Variants in P2RY14 observed in about 807,000 individuals in gnomAD.
P2RY14 encodes the protein P2Y purinoceptor 14.
In P2RY14, 2 loss-of-function variants were observed where a neutral mutation model predicts 0.9. The observed-to-expected ratio is 2.16, with a 90% CI of 0.88 to 6.79. The LOEUF (loss-of-function observed/expected upper bound fraction) is 6.79. Ranked by LOEUF, P2RY14 falls within the 30% of genes most tolerant of loss-of-function variation. The pLI is 0.05. For missense variants in P2RY14, 378 were observed against 400.1 expected (o/e 0.94, Z 0.47); for synonymous variants, 158 against 147.2 (o/e 1.07, Z -0.53).
intron 1 of P2RY14, among the ~76,000 whole-genome samples, chr3:151,223,805 G>C (rs563920325): frequency 6.6e-6 from 1 of 152,232 alleles, no homozygotes; most frequent in East Asian, 1.9e-4. Context: ...ATATACCCAA[G>C]TAACAAACTT....
At chr3:151,242,982 G>A (rs1327129572) in intron 1 of P2RY14, among the ~76,000 whole-genome samples, 1 of 151,762 alleles carries the variant, frequency 6.6e-6, no homozygotes, top group Admixed American at 6.6e-5. Context: ...GAAGCCTCAG[G>A]AGCCCATGCG....
At chr3:151,215,831 A>G (rs970592546) in intron 2 of P2RY14, among the ~76,000 whole-genome samples, 2 of 152,134 alleles carry the variant, frequency 1.3e-5, no homozygotes, top group Non-Finnish European at 2.9e-5. Flanking sequence ...CCCAGCACTG[A>G]GTTCCTGCTG....
intron 1 of P2RY14, chr3:151,269,974 C>G: frequency 6.2e-6 from 2 of 323,828 alleles, no homozygotes; most frequent in South Asian, 2.7e-5. Flanking sequence ...CATTACAGTA[C>G]TACTTGGTTT....
At chr3:151,246,595 T>C (rs1473196133) in intron 1 of P2RY14, among the ~76,000 whole-genome samples, 16 of 151,936 alleles carry the variant, frequency 1.1e-4, no homozygotes, top group African/African-American at 2.4e-4. Context: ...TGGATCCCTT[T>C]CTTACACCTT....
At chr3:151,261,191 A>G (rs1577159652) in intron 1 of P2RY14, among the ~76,000 whole-genome samples, 1 of 152,182 alleles carries the variant, frequency 6.6e-6, no homozygotes, top group Non-Finnish European at 1.5e-5. Context: ...GGAAATGCCC[A>G]TGAATGAGAC....
intron 1 of P2RY14, among the ~76,000 whole-genome samples, chr3:151,234,752 A>G (rs1732385086): frequency 2.0e-5 from 3 of 152,176 alleles, no homozygotes; most frequent in African/African-American, 7.2e-5. Flanking sequence ...CCTCTCTTCT[A>G]GTAAATGGCT....
chr3:151,236,536 C>G (rs1202741715), intron 1 of P2RY14, among the ~76,000 whole-genome samples: 1 of 152,196 alleles, frequency 6.6e-6, no homozygotes, highest in Non-Finnish European at 1.5e-5. Context: ...AGCAGCTGCT[C>G]TTGTCTAAAT....
intron 1 of P2RY14, among the ~76,000 whole-genome samples, chr3:151,252,803 T>C (rs34997694): frequency 0.28 from 42,832 of 151,964 alleles, 6,360 homozygotes; most frequent in Non-Finnish European, 0.33. Context: ...TTCTAGAACT[T>C]ATCTAGAAAA....
At chr3:151,270,449 A>G (rs1740729359) in intron 1 of P2RY14, among the ~76,000 whole-genome samples, 1 of 152,148 alleles carries the variant, frequency 6.6e-6, no homozygotes, top group Admixed American at 6.5e-5. Context: ...GGAAAAAAGA[A>G]AAACCTCCCT....
chr3:151,247,698 A>G (rs907738899), intron 1 of P2RY14, among the ~76,000 whole-genome samples: 1 of 149,130 alleles, frequency 6.7e-6, no homozygotes, highest in African/African-American at 2.5e-5. Context: ...CCAGCATGGC[A>G]CATGTATACA....
chr3:151,238,426 C>T (rs560687921), intron 1 of P2RY14, among the ~76,000 whole-genome samples: 8 of 152,254 alleles, frequency 5.3e-5, no homozygotes, highest in Admixed American at 1.3e-4. Flanking sequence ...GGATTACAGG[C>T]GTGAGCCACC....
intron 1 of P2RY14, among the ~76,000 whole-genome samples, chr3:151,262,353 C>T (rs1223433525): frequency 6.6e-6 from 1 of 152,180 alleles, no homozygotes; most frequent in East Asian, 1.9e-4. Flanking sequence ...TGGTTTGCCC[C>T]CAACTTTTTG....
rs886925584 is a variant in P2RY14, at chr3:151,212,378, G to A, written c.*922C>T. Reference sequence around the variant, plus strand: ...TATGTGTTATTTTGCACTCATTAATGTAAATTTTAGATTTAAAAAAATCAA... The same window carrying A: ...TATGTGTTATTTTGCACTCATTAATATAAATTTTAGATTTAAAAAAATCAA... On this transcript the variant is annotated 3_prime_UTR_variant, in exon 3 of 3. Transcript: ENST00000309170. 6.6e-6 allele frequency: 1 copy of A among 152,120 alleles called. No homozygotes were observed. The highest frequency in any genetic ancestry group is 1.5e-5 in the Non-Finnish European group (1 of 68,000). 9.4% of individuals were successfully genotyped at this position (152,120 alleles called of 1,614,324 possible). A position where few individuals can be genotyped will look rare whatever the true frequency, so the allele number is the denominator to read the frequency against.
intron 1 of P2RY14, among the ~76,000 whole-genome samples, chr3:151,220,250 T>C (rs1729082091): frequency 6.6e-6 from 1 of 151,752 alleles, no homozygotes; most frequent in Admixed American, 6.6e-5. Context: ...ATGTGTGGAC[T>C]TTGCAGAGAT....
intron 1 of P2RY14, among the ~76,000 whole-genome samples, chr3:151,225,363 G>A (rs1055892885): frequency 6.6e-6 from 1 of 152,130 alleles, no homozygotes; most frequent in African/African-American, 2.4e-5. Flanking sequence ...TCATGGTTCT[G>A]GATTCTCTGA....
chr3:151,229,331 G>A (rs1174996640), intron 1 of P2RY14, among the ~76,000 whole-genome samples: 10 of 133,340 alleles, frequency 7.5e-5, no homozygotes. Flanking sequence ...TTTTTGAGAT[G>A]GAGTCTTGCT....
intron 1 of P2RY14, among the ~76,000 whole-genome samples, chr3:151,246,290 C>G (rs901388488): frequency 7.2e-5 from 11 of 152,086 alleles, no homozygotes; most frequent in Admixed American, 3.3e-4. Flanking sequence ...CATATGGAAC[C>G]AAAAAAGAGC....
chr3:151,249,112 C>G (rs1478479181), intron 1 of P2RY14: 1 of 152,164 alleles, frequency 6.6e-6, no homozygotes, highest in African/African-American at 2.4e-5. Context: ...CTAATATATG[C>G]TTGCATAAGT....
At chr3:151,244,373 A>C (rs199964286) in intron 1 of P2RY14, among the ~76,000 whole-genome samples, 25,360 of 93,458 alleles carry the variant, frequency 0.27, 4,212 homozygotes, top group Middle Eastern at 0.5. Flanking sequence ...GGATGTAAAG[A>C]TCTCCTCAGC....
Sources: allele counts gnomAD v4.1 joint callset (sites outside exome capture counted in the v4.1 genomes callset), GRCh38; gene constraint gnomAD v4.1.1; transcripts MANE v1.5; gene names NCBI Gene and HGNC (gene_info 2026-07-23, HGNC 2026-07-21).